NEDD4L: variants seen among roughly 807,000 people sequenced by gnomAD.
The protein encoded by NEDD4L is NEDD4 like E3 ubiquitin protein ligase, also known as E3 ubiquitin-protein ligase NEDD4-like.
Under a neutral mutation model 148.9 loss-of-function variants are expected in NEDD4L, and 54 were observed. That is an observed-to-expected ratio of 0.36 (90% CI 0.29 to 0.45). The LOEUF is 0.45. Among genes scored for constraint, NEDD4L ranks in the 20% least tolerant of loss-of-function variants. The pLI, the probability that NEDD4L is intolerant of heterozygous loss-of-function variation, is 1.00. For missense variants in NEDD4L, 856 were observed against 1,233.8 expected (o/e 0.69, Z 4.59); for synonymous variants, 433 against 440.7 (o/e 0.98, Z 0.22).
At chr18:58,114,385 C>T (rs1253668374) in intron 1 of NEDD4L, among the ~76,000 whole-genome samples, 1 of 152,066 alleles carries the variant, frequency 6.6e-6, no homozygotes, top group Non-Finnish European at 1.5e-5. Context: ...CACATACACA[C>T]ATATAAAGTA....
intron 9 of NEDD4L, among the ~76,000 whole-genome samples, chr18:58,328,743 A>G (rs180673472): frequency 2.5e-4 from 38 of 152,326 alleles, no homozygotes; most frequent in African/African-American, 8.9e-4. Flanking sequence ...TTTGAAATGT[A>G]TGCCTGAAAG....
intron 22 of NEDD4L, among the ~76,000 whole-genome samples, chr18:58,369,905 A>G (rs2046625018): frequency 6.6e-6 from 1 of 152,190 alleles, no homozygotes; most frequent in Non-Finnish European, 1.5e-5. Flanking sequence ...CTGCCCAAGC[A>G]ATGATAACAG....
chr18:58,279,146 G>C (rs1480659582), intron 5 of NEDD4L, among the ~76,000 whole-genome samples: 1 of 152,070 alleles, frequency 6.6e-6, no homozygotes, highest in Non-Finnish European at 1.5e-5. Flanking sequence ...CAAAGTGCTG[G>C]GATTACAGGC....
chr18:58,256,139 A>T lies in NEDD4L; in HGVS notation c.297+4085A>T. 8.2e-7 allele frequency: 1 copy of T among 1,224,468 alleles called. No homozygotes were observed. Among genetic ancestry groups the T allele is most frequent in the South Asian group, 4.1e-5 (1 of 24,284 alleles). 75.9% of individuals were successfully genotyped at this position (1,224,468 alleles called of 1,614,324 possible). A position where few individuals can be genotyped will look rare whatever the true frequency, so the allele number is the denominator to read the frequency against. ...AGCCCGGGACCCAGGGCTCCAGGTCAACGGCACGTGCGGCCGCCGCGTGCG... is the reference window on the plus strand; with the variant it reads ...AGCCCGGGACCCAGGGCTCCAGGTCTACGGCACGTGCGGCCGCCGCGTGCG... On this transcript the variant is annotated intron_variant, in intron 5 of 30. Transcript: ENST00000400345. This position sits in a 1 kb window ranked among gnomAD's most constrained non-coding sequence, Gnocchi z 5.2.
intron 2 of NEDD4L, among the ~76,000 whole-genome samples, chr18:58,185,145 G>T (rs2039326875): frequency 6.6e-6 from 1 of 152,130 alleles, no homozygotes; most frequent in African/African-American, 2.4e-5. Flanking sequence ...GTGGGCACAG[G>T]TTCCTGGTTA....
intron 5 of NEDD4L, among the ~76,000 whole-genome samples, chr18:58,263,997 A>T (rs1228552422): frequency 2.0e-5 from 3 of 152,092 alleles, no homozygotes; most frequent in African/African-American, 7.2e-5. Flanking sequence ...CATGAGTTAA[A>T]ATGCCTTAAG....
chr18:58,293,967 T>C (rs1182933113), intron 5 of NEDD4L, among the ~76,000 whole-genome samples: 2 of 152,192 alleles, frequency 1.3e-5, no homozygotes, highest in Non-Finnish European at 2.9e-5. Context: ...AAGTGATCCT[T>C]CCACCTTGGC....
chr18:58,223,550 C>T (rs1244673759), intron 2 of NEDD4L, among the ~76,000 whole-genome samples: 3 of 152,116 alleles, frequency 2.0e-5, no homozygotes, highest in Non-Finnish European at 4.4e-5. Context: ...TGTTTCATTC[C>T]AGGCAATGTT....
chr18:58,380,988 G>A (rs1266085011), intron 24 of NEDD4L, among the ~76,000 whole-genome samples: 1 of 152,086 alleles, frequency 6.6e-6, no homozygotes, highest in Non-Finnish European at 1.5e-5. Context: ...GTTGGTAGAC[G>A]TTTAGGCTAT....
rs940720351 is a variant in NEDD4L, at chr18:58,323,479, T to C, written c.513+145T>C. The stretch of plus-strand genomic sequence containing the variant: ...ATGTCCGCAAATTGGTCATTGATAG[T>C]CTACCAGTGCAGTTATTTGTTTTGG... On this transcript the variant is annotated intron_variant, in intron 8 of 30. Coordinates refer to ENST00000400345, the MANE Select transcript of NEDD4L (RefSeq NM_001144967.3). 3 of 587,290 alleles carry C rather than the reference T, an allele frequency of 5.1e-6. No individual in the cohort carries two copies. The African/African-American group carries it at 5.6e-5, about 11-fold the overall frequency. 36.4% of individuals were successfully genotyped at this position (587,290 alleles called of 1,614,324 possible). A position where few individuals can be genotyped will look rare whatever the true frequency, so the allele number is the denominator to read the frequency against.
rs892915858 is a variant in NEDD4L at position 58,321,455 on chromosome 18, A to C, written c.349-970A>C. ...GGGAGTACAAGGAAGGAAGAGAGAG[A>C]CTGGTTCCCAATGAGGTTAAAGTTG... On this transcript the variant is annotated intron_variant, in intron 6 of 30. Transcript: ENST00000400345. 5.9e-5 allele frequency among the ~76,000 whole-genome samples: 9 copies of C among 152,224 alleles called. No individual in the cohort carries two copies. In the South Asian group the frequency reaches 1.9e-3, roughly 31 times the overall value.
chr18:58,073,729 G>A (rs1194891348), intron 1 of NEDD4L, among the ~76,000 whole-genome samples: 3 of 152,120 alleles, frequency 2.0e-5, no homozygotes, highest in Admixed American at 6.6e-5. Context: ...GATGGTAGTG[G>A]GTATAGAGTT....
chr18:58,194,461 A>G (rs1193189333), intron 2 of NEDD4L, among the ~76,000 whole-genome samples: 2 of 152,154 alleles, frequency 1.3e-5, no homozygotes, highest in Admixed American at 6.5e-5. Context: ...CAAGAAAAAG[A>G]CCTTTTGGCT....
intron 2 of NEDD4L, among the ~76,000 whole-genome samples, chr18:58,220,132 G>A (rs547807875): frequency 5.6e-4 from 85 of 152,198 alleles, no homozygotes; most frequent in Non-Finnish European, 6.8e-4. Flanking sequence ...GACTGAAAAC[G>A]GGCTGGGCAC....
At chr18:58,116,441 CT>C (rs2085844847) in intron 1 of NEDD4L, among the ~76,000 whole-genome samples, 3 of 152,222 alleles carry the variant, frequency 2.0e-5, no homozygotes, top group African/African-American at 7.2e-5. Flanking sequence ...TGCAGATCTG[CT>C]GCATCAGAGT....
intron 1 of NEDD4L, among the ~76,000 whole-genome samples, chr18:58,082,028 C>T (rs1452614558): frequency 1.4e-5 from 2 of 146,342 alleles, no homozygotes; most frequent in Non-Finnish European, 3.0e-5. Flanking sequence ...GATTGTAATC[C>T]AGGACTAAAT....
At chr18:58,186,309 C>T (rs143053932) in intron 2 of NEDD4L, among the ~76,000 whole-genome samples, 55 of 152,344 alleles carry the variant, frequency 3.6e-4, no homozygotes, top group Non-Finnish European at 5.1e-4. Context: ...CAGCCCTAGG[C>T]TGGCATTTGC....
At chr18:58,167,155 C>G (rs1395487877) in intron 2 of NEDD4L, among the ~76,000 whole-genome samples, 2 of 152,198 alleles carry the variant, frequency 1.3e-5, no homozygotes, top group African/African-American at 4.8e-5. Context: ...CACAAGGAAC[C>G]TTATGCACAG....
chr18:58,058,551 G>A (rs6566931), intron 1 of NEDD4L, among the ~76,000 whole-genome samples: 122,965 of 152,158 alleles, frequency 0.81, 50,253 homozygotes, highest in East Asian at 1. Flanking sequence ...TTTGATTGCA[G>A]GCAACAGCAA....
Sources: allele counts gnomAD v4.1 joint callset (sites outside exome capture counted in the v4.1 genomes callset), GRCh38; gene constraint gnomAD v4.1.1; non-coding constraint Gnocchi (gnomAD v3.1); transcripts MANE v1.5; gene names NCBI Gene and HGNC (gene_info 2026-07-23, HGNC 2026-07-21).